The following ELOVL3 variants were observed in gnomAD, a reference collection of about 807,000 sequenced individuals.
The protein encoded by ELOVL3 is very long chain fatty acid elongase 3.
In ELOVL3, 11 loss-of-function variants were observed where a neutral mutation model predicts 14.9. The ratio of observed to expected loss-of-function variants is 0.74; its 90% confidence interval spans 0.46 to 1.22. ELOVL3 has a LOEUF of 1.22. Among genes scored for constraint, ELOVL3 ranks in the 50% most tolerant of loss-of-function variants. The pLI is 0.00. For synonymous variants in ELOVL3, 117 were observed against 124.7 expected (o/e 0.94, Z 0.41); for missense variants, 277 against 338.9 (o/e 0.82, Z 1.43).
Position 102,228,541 on chromosome 10 carries a change from T to A in ELOVL3, c.358T>A (p.Phe120Ile), listed in dbSNP as rs138237466. 3,196 of 1,614,182 alleles carry A rather than the reference T, an allele frequency of 2.0e-3. 7 individuals are homozygous for A. The highest frequency in any genetic ancestry group is 2.4e-3 in the Non-Finnish European group (2,807 of 1,180,006). ...NSTVKFWSWV[F>I]LLSKVIELGD... is the part of the protein sequence containing the mutation. Reference sequence around the variant, plus strand: ...CACAGTCAAATTCTGGTCCTGGGTCTTTCTTCTCAGCAAGGTCATAGAACT... The same window carrying A: ...CACAGTCAAATTCTGGTCCTGGGTCATTCTTCTCAGCAAGGTCATAGAACT... Residue 120 changes from phenylalanine to isoleucine, a missense_variant, in exon 3 of 4, where the codon TTT (phenylalanine) becomes ATT (isoleucine). By Grantham distance (21) the Phe-to-Ile change is conservative (BLOSUM62 0). Coordinates refer to ENST00000370005, the MANE Select transcript of ELOVL3 (RefSeq NM_152310.3).
rs200306123 is a variant in ELOVL3 at position 102,229,124 on chromosome 10, T to C, written c.685T>C (p.Cys229Arg). The part of the protein sequence containing the change: ...LTYIWRQDQG[C>R]HTTMEHLFWS... ...GTACATCTGGAGGCAGGATCAGGGA[T>C]GCCACACCACGATGGAACACTTATT... Residue 229 changes from cysteine (C) to arginine (R), a missense_variant, in exon 4 of 4, where the codon TGC (cysteine) becomes CGC (arginine). Transcript: ENST00000370005. The C allele has an allele frequency of 5.4e-5, 87 of 1,614,010 alleles. No homozygotes were observed. Among genetic ancestry groups the C allele is most frequent in the Non-Finnish European group, 6.8e-5 (80 of 1,180,026 alleles).
In ELOVL3 at chr10:102,229,013, G is replaced by A. The variant is rs111920788; in HGVS notation, c.574G>A (p.Val192Met). The A allele has an allele frequency of 3.5e-5, 56 of 1,614,016 alleles. No homozygotes were observed. The highest frequency in any genetic ancestry group is 1.9e-4 in the African/African-American group (14 of 74,890). The change falls in exon 4 of 4, where the codon GTG becomes ATG. Residue 192 changes from valine to methionine, a missense_variant. Val to Met is a conservative substitution (Grantham distance 21). Transcript: ENST00000370005. The stretch of plus-strand genomic sequence containing the variant: ...CTACTACACTCTGAAGGCTGCCAAC[G>A]TGAAGCCCCCCAAGATGCTGCCCAT... ...YTYYTLKAAN[V>M]KPPKMLPMLI...
chr10:102,229,246 C>A lies in ELOVL3; in HGVS notation c.807C>A (p.Ser269Arg), dbSNP rs1347885488. 1 of 1,607,448 alleles carries A rather than the reference C, an allele frequency of 6.2e-7. No homozygotes were observed. The highest frequency in any genetic ancestry group is 1.3e-5 in the African/African-American group (1 of 74,834). ...IRPKVKAKTK[S>R]Q Reference sequence around the variant, plus strand: ...CCAAGGTCAAAGCCAAGACCAAGAGCCAGTGAAGGTTTGGAGAGAACAATG... The same window carrying A: ...CCAAGGTCAAAGCCAAGACCAAGAGACAGTGAAGGTTTGGAGAGAACAATG... The change falls in exon 4 of 4, where the codon AGC (serine) becomes AGA (arginine). Residue 269 changes from serine (S) to arginine (R), a missense_variant. By Grantham distance (110) the Ser-to-Arg change is moderately radical. Coordinates refer to ENST00000370005, the MANE Select transcript of ELOVL3 (RefSeq NM_152310.3).
At chr10:102,226,159 G>A (rs942903322), upstream of ELOVL3, among the ~76,000 whole-genome samples, 4 of 152,214 alleles carry the variant, frequency 2.6e-5, no homozygotes, top group African/African-American at 9.6e-5. Context: ...GTGGGCGGGC[G>A]ATGGCCTACG....
rs1162259129 is a variant in ELOVL3, at chr10:102,229,365, G to A, written c.*113G>A. 9.4e-7 allele frequency: 1 copy of A among 1,069,160 alleles called. No homozygotes were observed. The highest frequency in any genetic ancestry group is 2.8e-5 in the Admixed American group (1 of 35,932). 66.2% of individuals were successfully genotyped at this position (1,069,160 alleles called of 1,614,324 possible). On this transcript the variant is annotated 3_prime_UTR_variant, in exon 4 of 4. Coordinates refer to ENST00000370005, the MANE Select transcript of ELOVL3 (RefSeq NM_152310.3). ...GCCTTACCTGCATGGTTTCCCCAGA[G>A]GATGTGTGCCCCAAGGTGGCTGGAA...
chr10:102,224,952 C>T (rs978690815), upstream of ELOVL3, among the ~76,000 whole-genome samples: 1 of 152,040 alleles, frequency 6.6e-6, no homozygotes, highest in Non-Finnish European at 1.5e-5. Flanking sequence ...CGTGAACCAC[C>T]GTGCCCGGCC....
At chr10:102,226,736 T>C in intron 1 of ELOVL3, 87 bp downstream of exon 1, 3 of 916,500 alleles carry the variant, frequency 3.3e-6, no homozygotes, top group Middle Eastern at 2.8e-4. Flanking sequence ...AATGATTTTC[T>C]TACAGAGCAG....
upstream of ELOVL3, chr10:102,226,280 G>C (rs556672007): frequency 1.6e-5 from 7 of 441,272 alleles, no homozygotes; most frequent in East Asian, 3.3e-4. Flanking sequence ...TCTTGGTCGA[G>C]ATTGGATAGC....
chr10:102,226,687 CCGGG>C (rs2070138936), intron 1 of ELOVL3, 38 bp downstream of exon 1: 1 of 1,486,720 alleles, frequency 6.7e-7, no homozygotes, highest in Admixed American at 1.7e-5. Flanking sequence ...TGCCAGGGCC[CCGGG>C]GCCGGGGCGC....
chr10:102,228,405 G>C lies in ELOVL3; in HGVS notation c.234-12G>C, dbSNP rs1027752574. On this transcript the variant is annotated splice_polypyrimidine_tract_variant and intron_variant, in intron 2 of 3. Coordinates refer to ENST00000370005, the MANE Select transcript of ELOVL3 (RefSeq NM_152310.3). ...GATGACACTTACACCATCTTCCTTT[G>C]TCCCATTTCAGTATCCTGGGGGCAG... 2 of 1,613,066 alleles carry C rather than the reference G, an allele frequency of 1.2e-6. No individual in the cohort carries two copies. Among genetic ancestry groups the C allele is most frequent in the Non-Finnish European group, 1.7e-6 (2 of 1,179,334 alleles).
At chr10:102,224,960 G>A (rs1372886145), upstream of ELOVL3, among the ~76,000 whole-genome samples, 1 of 152,076 alleles carries the variant, frequency 6.6e-6, no homozygotes, top group Non-Finnish European at 1.5e-5. Context: ...ACCGTGCCCG[G>A]CCGAACCACT....
intron 1 of ELOVL3, 150 bp downstream of exon 1, chr10:102,226,799 G>A (rs760216054): frequency 3.3e-6 from 2 of 599,056 alleles, no homozygotes; most frequent in African/African-American, 3.8e-5. Flanking sequence ...CGAGGTGCAG[G>A]TAGTATGTGG....
chr10:102,224,787 C>T (rs1055484084), upstream of ELOVL3, among the ~76,000 whole-genome samples: 4 of 151,316 alleles, frequency 2.6e-5, no homozygotes, highest in East Asian at 1.9e-4. Context: ...CTCAGCCTCC[C>T]GAGTAGCTGG....
chr10:102,226,439 C>T lies in ELOVL3; in HGVS notation c.-110C>T, dbSNP rs2070136372. 4.2e-6 allele frequency: 3 copies of T among 711,976 alleles called. No individual in the cohort carries two copies. In the Admixed American group the frequency reaches 8.1e-5, roughly 19 times the overall value. 44.1% of individuals were successfully genotyped at this position (711,976 alleles called of 1,614,324 possible). A position where few individuals can be genotyped will look rare whatever the true frequency, so the allele number is the denominator to read the frequency against. ...GCCCTCCTCCCTTTGCCCAGGAGTTCCTTCTGTCCCGGCTCTGTTCCGTCT... is the reference window on the plus strand; with the variant it reads ...GCCCTCCTCCCTTTGCCCAGGAGTTTCTTCTGTCCCGGCTCTGTTCCGTCT... On this transcript the variant is annotated 5_prime_UTR_variant, in exon 1 of 4. Transcript: ENST00000370005.
At chr10:102,227,470 A>G (rs1403011528) in intron 1 of ELOVL3, among the ~76,000 whole-genome samples, 156 bp from the exon 2 acceptor site, 1 of 152,130 alleles carries the variant, frequency 6.6e-6, no homozygotes, top group Non-Finnish European at 1.5e-5. Flanking sequence ...TGAGGAAGCC[A>G]AGGCTCAGAG....
chr10:102,226,088 A>C (rs2070132547), upstream of ELOVL3, among the ~76,000 whole-genome samples: 1 of 152,154 alleles, frequency 6.6e-6, no homozygotes, highest in African/African-American at 2.4e-5. Flanking sequence ...GACAGTTCCA[A>C]GGGAACCCGC....
In ELOVL3 at chr10:102,227,596, G is replaced by A. The variant is rs370240986; in HGVS notation, c.102-30G>A. On this transcript the variant is annotated intron_variant, in intron 1 of 3. Coordinates refer to ENST00000370005, the MANE Select transcript of ELOVL3 (RefSeq NM_152310.3). ...ATTTCTCTAATCAGCACCCACCCATGAGCCCATCCCTCTGCCTTCTGCTTG... is the reference window on the plus strand; with the variant it reads ...ATTTCTCTAATCAGCACCCACCCATAAGCCCATCCCTCTGCCTTCTGCTTG... 5 of 1,603,430 alleles carry A rather than the reference G, an allele frequency of 3.1e-6. No homozygotes were observed. In the African/African-American group the frequency reaches 5.4e-5, roughly 17 times the overall value.
In ELOVL3 at chr10:102,229,367, A is replaced by T. The variant is rs1564990511; in HGVS notation, c.*115A>T. The T allele has an allele frequency of 9.6e-7, 1 of 1,044,090 alleles. No homozygotes were observed. The highest frequency in any genetic ancestry group is 2.8e-5 in the Admixed American group (1 of 35,714). 64.7% of individuals were successfully genotyped at this position (1,044,090 alleles called of 1,614,324 possible). ...CTTACCTGCATGGTTTCCCCAGAGG[A>T]TGTGTGCCCCAAGGTGGCTGGAATT... On this transcript the variant is annotated 3_prime_UTR_variant, in exon 4 of 4. Coordinates refer to ENST00000370005, the MANE Select transcript of ELOVL3 (RefSeq NM_152310.3).
At chr10:102,228,752 G>C in intron 3 of ELOVL3, 73 bp from the exon 4 acceptor site, 1 of 1,489,206 alleles carries the variant, frequency 6.7e-7, no homozygotes, top group Non-Finnish European at 9.2e-7. Context: ...AATTTCTCCC[G>C]TGTCCCTACA....
Sources: gnomAD v4.1 joint callset for allele counts (sites outside exome capture counted in the v4.1 genomes callset) on GRCh38, gnomAD v4.1.1 for gene constraint, MANE v1.5 for transcripts, NCBI Gene and HGNC (gene_info 2026-07-23, HGNC 2026-07-21) for gene names.